FNDC7: variants seen among roughly 807,000 people sequenced by gnomAD.
The protein encoded by FNDC7 is fibronectin type III domain containing 7, also known as fibronectin type III domain-containing protein 7.
A neutral mutation model predicts 74.2 loss-of-function variants in FNDC7; 66 were observed. The ratio of observed to expected loss-of-function variants is 0.89; its 90% CI spans 0.73 to 1.09. The LOEUF (loss-of-function observed/expected upper bound fraction) is 1.09, where lower values mean the gene tolerates loss of function less well. Among genes scored for constraint, FNDC7 ranks in the 50% least tolerant of loss-of-function variants. The probability of loss-of-function intolerance (pLI) is 0.00; values close to 1 mark genes in which losing one functional copy is unlikely to be tolerated. For missense variants in FNDC7, 829 were observed against 893.4 expected, an observed-to-expected ratio of 0.93 and a Z score of 0.92; for synonymous variants, 307 against 330.2, an observed-to-expected ratio of 0.93 and a Z score of 0.76.
Position 108,718,001 on chromosome 1 carries a change from CAGG to C in FNDC7, c.308_310del (p.Gln103_Ala104delinsPro), listed in dbSNP as rs1362533951. On this transcript the variant is annotated inframe_deletion, in exon 3 of 13. Coordinates refer to ENST00000370017, the MANE Select transcript of FNDC7 (RefSeq NM_001144937.3). ...ATCCATCAGCGCTGCTGGGAGAAGC[CAGG>C]CGTCACCTCCAAAGCAGGCAAAGAC... 1.3e-6 allele frequency: 2 copies of C among 1,551,716 alleles called. No homozygotes were observed. The highest frequency in any genetic ancestry group is 1.7e-6 in the Non-Finnish European group (2 of 1,147,004).
chr1:108,723,600 A>G (rs549308504), intron 5 of FNDC7, among the ~76,000 whole-genome samples: 1 of 152,364 alleles, frequency 6.6e-6, no homozygotes, highest in South Asian at 2.1e-4. Context: ...GACAACTGTG[A>G]TTTAATGTGA....
intron 10 of FNDC7, chr1:108,734,791 G>A (rs537742714): frequency 6.6e-6 from 1 of 152,162 alleles, no homozygotes; most frequent in Non-Finnish European, 1.5e-5. Flanking sequence ...TGAGTCTACA[G>A]CTCAATAACA....
intron 9 of FNDC7, among the ~76,000 whole-genome samples, chr1:108,732,282 C>T (rs974330710): frequency 2.8e-5 from 4 of 140,650 alleles, no homozygotes; most frequent in African/African-American, 1.1e-4. Context: ...TGGCGTGAAC[C>T]CGGGAGGCGG....
In FNDC7 at chr1:108,728,035, A is replaced by G. The variant is rs202199575; in HGVS notation, c.1339A>G (p.Met447Val). ...ATTCAATGAAGTCCGAGGCAGCAAT[A>G]TGTCATGTACTCCCCAGTTCATAAC... ...YSFNEVRGSNMSCTPQFITTA... is the reference protein window; with the variant it reads ...YSFNEVRGSNVSCTPQFITTA... The change falls in exon 7 of 13, where the codon ATG (methionine) becomes GTG (valine). Residue 447 changes from methionine to valine, a missense_variant. By Grantham distance (21) the Met-to-Val change is conservative (BLOSUM62 1). Coordinates refer to ENST00000370017, the MANE Select transcript of FNDC7 (RefSeq NM_001144937.3). 2.3e-4 allele frequency: 367 copies of G among 1,614,138 alleles called. 5 individuals carry two copies. In the Admixed American group the frequency reaches 5.4e-3, roughly 24 times the overall value.
chr1:108,727,152 C>T (rs1482704790), intron 6 of FNDC7, among the ~76,000 whole-genome samples: 1 of 152,138 alleles, frequency 6.6e-6, no homozygotes. Context: ...TGGAGAAACT[C>T]TGTCTCTGCT....
chr1:108,726,774 A>T (rs926181384), intron 6 of FNDC7, among the ~76,000 whole-genome samples: 2 of 152,224 alleles, frequency 1.3e-5, no homozygotes, highest in Non-Finnish European at 2.9e-5. Context: ...TACAAATAAG[A>T]ATACTCAAAC....
intron 5 of FNDC7, among the ~76,000 whole-genome samples, chr1:108,723,618 A>T (rs573167468): frequency 6.6e-6 from 1 of 152,246 alleles, no homozygotes; most frequent in Non-Finnish European, 1.5e-5. Flanking sequence ...TGAATGGTAC[A>T]TTAGAAGCGA....
chr1:108,713,409 A>G, intron 1 of FNDC7, 102 bp from the exon 2 acceptor site: 4 of 1,012,110 alleles, frequency 4.0e-6, no homozygotes, highest in Non-Finnish European at 6.0e-6. Context: ...CGTTAGATGT[A>G]AAAATGTTGT....
At chr1:108,728,124 C>T in intron 7 of FNDC7, 59 bp downstream of exon 7, 1 of 1,573,920 alleles carries the variant, frequency 6.4e-7, no homozygotes, top group Non-Finnish European at 8.7e-7. Flanking sequence ...CAGCTCTGAG[C>T]CTCAGGATGG....
chr1:108,729,001 C>A (rs1425451065), intron 8 of FNDC7, 115 bp downstream of exon 8: 2 of 1,321,300 alleles, frequency 1.5e-6, no homozygotes, highest in East Asian at 2.4e-5. Context: ...ACATTAAACT[C>A]AGAGACGTTT....
At chr1:108,734,484 C>G (rs1288087154) in intron 10 of FNDC7, 1 of 152,138 alleles carries the variant, frequency 6.6e-6, no homozygotes, top group Non-Finnish European at 1.5e-5. Flanking sequence ...GATGATGAAG[C>G]CCTAGAATTT....
chr1:108,730,040 T>G (rs1661307715), intron 8 of FNDC7, among the ~76,000 whole-genome samples: 1 of 152,200 alleles, frequency 6.6e-6, no homozygotes, highest in Non-Finnish European at 1.5e-5. Context: ...AATGTTCTGT[T>G]GGGAGAAGTG....
Position 108,728,678 on chromosome 1 carries a change from C to T in FNDC7, c.1416C>T (p.Ser472=), listed in dbSNP as rs748994633. Residue 472 remains serine (S), a synonymous_variant, in exon 8 of 13, where the codon TCC becomes TCT. Coordinates refer to ENST00000370017, the MANE Select transcript of FNDC7 (RefSeq NM_001144937.3). ...AAAATGTTTCAAGGGATGCATTCTC[C>T]ATGATTAATGTGCACTGGCGATCCA... The part of the protein sequence containing the change: ...EIKNVSRDAF[S]MINVHWRSTN... 29 of 1,614,146 alleles carry T rather than the reference C, an allele frequency of 1.8e-5. No individual in the cohort carries two copies. Among genetic ancestry groups the T allele is most frequent in the Non-Finnish European group, 2.4e-5 (28 of 1,180,054 alleles).
rs376101531 is a variant in FNDC7 at position 108,721,081 on chromosome 1, C to T, written c.599-1254C>T. 4.6e-5 allele frequency among the ~76,000 whole-genome samples: 7 copies of T among 152,362 alleles called. No homozygotes were observed. The East Asian group carries it at 1.2e-3, about 25-fold the overall frequency. ...AGAACTGCCTCTGCAGACTAGCTGA[C>T]CATGCAGTGGGAAGGGGCCTGTCAA... On this transcript the variant is annotated intron_variant, in intron 4 of 12. Coordinates refer to ENST00000370017, the MANE Select transcript of FNDC7 (RefSeq NM_001144937.3).
At position 108,730,876 on chromosome 1, in the gene FNDC7, A is replaced by T; in HGVS notation, c.1827A>T (p.Ala609=). 6.2e-7 allele frequency: 1 copy of T among 1,613,894 alleles called. No individual in the cohort carries two copies. The highest frequency in any genetic ancestry group is 8.5e-7 in the Non-Finnish European group (1 of 1,179,870). ...CGINYTVTLK[A]ISATGLTADC... is the part of the protein sequence containing the mutation. Reference sequence around the variant, plus strand: ...TCAATTACACAGTGACATTAAAAGCAATTAGTGCCACCGGGTTGACTGCAG... The same window carrying T: ...TCAATTACACAGTGACATTAAAAGCTATTAGTGCCACCGGGTTGACTGCAG... Residue 609 remains alanine, a synonymous_variant, in exon 9 of 13, where the codon GCA becomes GCT. Transcript: ENST00000370017.
chr1:108,730,569 A>G (rs759857328), intron 8 of FNDC7, 105 bp from the exon 9 acceptor site: 13 of 1,270,704 alleles, frequency 1.0e-5, no homozygotes, highest in Non-Finnish European at 1.4e-5. Context: ...TGGGGAATGT[A>G]GGATATTGAG....
chr1:108,730,013 A>C (rs1052777690), intron 8 of FNDC7, among the ~76,000 whole-genome samples: 2 of 152,234 alleles, frequency 1.3e-5, no homozygotes, highest in Non-Finnish European at 2.9e-5. Context: ...AATTATACTT[A>C]ATTGCTAATG....
chr1:108,727,935 G>A lies in FNDC7; in HGVS notation c.1239G>A (p.Glu413=), dbSNP rs139350858. 6.2e-7 allele frequency: 1 copy of A among 1,614,206 alleles called. No homozygotes were observed. Among genetic ancestry groups the A allele is most frequent in the African/African-American group, 1.3e-5 (1 of 75,052 alleles). The change falls in exon 7 of 13, where the codon GAG becomes GAA. Residue 413 remains glutamate (E), a synonymous_variant. Coordinates refer to ENST00000370017, the MANE Select transcript of FNDC7 (RefSeq NM_001144937.3). The part of the protein sequence containing the change: ...TKAVDGYNMV[E]CNDTTPACTL... ...CTGTAGATGGGTACAACATGGTTGA[G>A]TGCAATGACACTACTCCTGCGTGCA...
At chr1:108,740,403 C>T (rs1400074662) in intron 11 of FNDC7, among the ~76,000 whole-genome samples, 1 of 140,392 alleles carries the variant, frequency 7.1e-6, no homozygotes, top group African/African-American at 2.6e-5. Flanking sequence ...TCTCAGCTCA[C>T]TGCAACCTCC....
Sources: gnomAD v4.1 joint callset for allele counts (sites outside exome capture counted in the v4.1 genomes callset) on GRCh38, gnomAD v4.1.1 for gene constraint, MANE v1.5 for transcripts, NCBI Gene and HGNC (gene_info 2026-07-23, HGNC 2026-07-21) for gene names.